The following PHOSPHO1 variants were observed in gnomAD, a reference collection of about 807,000 sequenced individuals.
PHOSPHO1 encodes the protein phosphoethanolamine/phosphocholine phosphatase.
Under a neutral mutation model 17.7 loss-of-function variants are expected in PHOSPHO1, and 6 were observed. That is an observed-to-expected ratio of 0.34 (90% CI 0.19 to 0.67). The LOEUF is 0.67. Among genes scored for constraint, PHOSPHO1 ranks in the 30% least tolerant of loss-of-function variants. PHOSPHO1 has a pLI of 0.69. For missense variants in PHOSPHO1, 330 were observed against 392.1 expected (o/e 0.84, Z 1.34); for synonymous variants, 159 against 174.6 (o/e 0.91, Z 0.71).
At chr17:49,230,334 A>G (rs2043400506) in intron 1 of PHOSPHO1, 134 bp downstream of exon 1, 1 of 151,822 alleles carries the variant, frequency 6.6e-6, no homozygotes, top group Non-Finnish European at 1.5e-5. Flanking sequence ...TGGGTAGGAG[A>G]GAGAAGGGGA....
intron 2 of PHOSPHO1, 60 bp downstream of exon 2, chr17:49,226,587 G>A (rs2143565600): frequency 1.1e-5 from 17 of 1,574,400 alleles, no homozygotes; most frequent in South Asian, 2.2e-5. Context: ...CTATGGAAAG[G>A]TGATGGGAAA....
At position 49,226,695 on chromosome 17, in the gene PHOSPHO1, C is replaced by A. The variant is rs757571399; in HGVS notation, c.-4G>T. 35 of 1,614,076 alleles carry A rather than the reference C, an allele frequency of 2.2e-5. No individual in the cohort carries two copies. The Admixed American group carries it at 5.7e-4, about 26-fold the overall frequency. On this transcript the variant is annotated 5_prime_UTR_variant, in exon 2 of 3. Coordinates refer to ENST00000310544, the MANE Select transcript of PHOSPHO1 (RefSeq NM_178500.4). ...AAACTGGAAAACAGCCACTCATTGT[C>A]GGTGCATTACCGTGAGCACCACCTG...
At chr17:49,227,920 A>G (rs1310086059) in intron 1 of PHOSPHO1, among the ~76,000 whole-genome samples, 6 of 152,120 alleles carry the variant, frequency 3.9e-5, no homozygotes, top group African/African-American at 1.4e-4. Context: ...GGGAGAGAAG[A>G]CAGGTCAAGG....
chr17:49,224,458 G>C lies in PHOSPHO1; in HGVS notation c.592C>G (p.Leu198Val). The part of the protein sequence containing the change: ...RAHDGVHFER[L>V]FYVGDGANDF... ...TTGGCGCCGTCGCCCACGTAGAAGAGGCGCTCGAAGTGCACGCCGTCGTGG... is the reference window on the plus strand; with the variant it reads ...TTGGCGCCGTCGCCCACGTAGAAGACGCGCTCGAAGTGCACGCCGTCGTGG... The change falls in exon 3 of 3, where the codon CTC (leucine) becomes GTC (valine). Residue 198 changes from leucine to valine, a missense_variant. Coordinates refer to ENST00000310544, the MANE Select transcript of PHOSPHO1 (RefSeq NM_178500.4). 1 of 1,560,360 alleles carries C rather than the reference G, an allele frequency of 6.4e-7. No individual in the cohort carries two copies. The highest frequency in any genetic ancestry group is 8.7e-7 in the Non-Finnish European group (1 of 1,154,514).
chr17:49,228,615 C>T (rs932880507), intron 1 of PHOSPHO1, among the ~76,000 whole-genome samples: 2 of 151,914 alleles, frequency 1.3e-5, no homozygotes, highest in South Asian at 2.1e-4. Context: ...ATGGTGAAAC[C>T]CTGTCTCTAC....
At chr17:49,229,046 T>C (rs1462496137) in intron 1 of PHOSPHO1, 2 of 152,254 alleles carry the variant, frequency 1.3e-5, no homozygotes, top group East Asian at 3.9e-4. Flanking sequence ...CTAATAATAG[T>C]ATCTAGGGGA....
intron 1 of PHOSPHO1, among the ~76,000 whole-genome samples, chr17:49,227,010 A>G (rs2043364326): frequency 6.6e-6 from 1 of 152,190 alleles, no homozygotes; most frequent in Admixed American, 6.5e-5. Context: ...TCAAACCCAC[A>G]TCTGAGCCTG....
chr17:49,229,657 A>G (rs2043393691), intron 1 of PHOSPHO1, among the ~76,000 whole-genome samples: 1 of 152,142 alleles, frequency 6.6e-6, no homozygotes, highest in African/African-American at 2.4e-5. Flanking sequence ...GACTCCAGAA[A>G]GACCACAGTA....
chr17:49,225,121 A>T, intron 2 of PHOSPHO1, 117 bp from the exon 3 acceptor site: 2 of 1,441,008 alleles, frequency 1.4e-6, no homozygotes, highest in Non-Finnish European at 1.8e-6. Context: ...AGGCGCTGGC[A>T]CATCCAACAC....
chr17:49,224,289 G>C lies in PHOSPHO1; in HGVS notation c.761C>G (p.Ala254Gly). 7.5e-6 allele frequency: 12 copies of C among 1,597,462 alleles called. No individual in the cohort carries two copies. Among genetic ancestry groups the C allele is most frequent in the Non-Finnish European group, 1.0e-5 (12 of 1,176,408 alleles). ...RASVVPWETA[A>G]DVRLHLQQVL... The stretch of plus-strand genomic sequence containing the variant: ...CTGTTGCAGGTGGAGGCGCACATCT[G>C]CAGCCGTTTCCCAGGGCACCACGCT... The change falls in exon 3 of 3, where the codon GCA becomes GGA. Residue 254 changes from alanine to glycine, a missense_variant. Coordinates refer to ENST00000310544, the MANE Select transcript of PHOSPHO1 (RefSeq NM_178500.4).
chr17:49,226,788 GC>G, intron 1 of PHOSPHO1, 30 bp from the exon 2 acceptor site: 2 of 1,428,618 alleles, frequency 1.4e-6, no homozygotes, highest in Non-Finnish European at 9.8e-7. Flanking sequence ...ATTTGAGGGT[GC>G]CCAGTCAGCT....
Position 49,228,987 on chromosome 17 carries a change from CACACAA to C in PHOSPHO1, c.-68+1475_-68+1480del, listed in dbSNP as rs750281100. On this transcript the variant is annotated intron_variant, in intron 1 of 2. Coordinates refer to ENST00000310544, the MANE Select transcript of PHOSPHO1 (RefSeq NM_178500.4). ...CAACACACACACACACACACACACA[CACACAA>C]AACTCCTCATTTCTCATCATAAAAT... 2.3e-3 allele frequency: 159 copies of C among 69,748 alleles called. 1 individual carries two copies. The highest frequency in any genetic ancestry group is 3.2e-3 in the Admixed American group (19 of 5,954). The allele number at this position is 69,748 out of a possible 1,614,324, so 4.3% of individuals were successfully genotyped here. A position where few individuals can be genotyped will look rare whatever the true frequency, so the allele number is the denominator to read the frequency against.
intron 1 of PHOSPHO1, among the ~76,000 whole-genome samples, chr17:49,229,940 C>G (rs1325313009): frequency 1.3e-5 from 2 of 152,176 alleles, no homozygotes; most frequent in African/African-American, 4.8e-5. Flanking sequence ...CCCCCTTGGC[C>G]CTGGAGACTC....
chr17:49,226,533 G>T, intron 2 of PHOSPHO1, 114 bp downstream of exon 2: 3 of 1,067,678 alleles, frequency 2.8e-6, no homozygotes, highest in Non-Finnish European at 4.3e-6. Context: ...CAGTAGAGGT[G>T]AGGGTAAACC....
chr17:49,224,409 A>G lies in PHOSPHO1; in HGVS notation c.641T>C (p.Leu214Pro). The change falls in exon 3 of 3, where the codon CTG (leucine) becomes CCG (proline). Residue 214 changes from leucine (L) to proline (P), a missense_variant. By Grantham distance (98) the Leu-to-Pro change is moderately conservative. Coordinates refer to ENST00000310544, the MANE Select transcript of PHOSPHO1 (RefSeq NM_178500.4). ...CGGGAAGGCCACGTCGCCGCCCGCC[A>G]GCAGCCCCATGGGGCAGAAGTCGTT... The part of the protein sequence containing the change: ...GANDFCPMGL[L>P]AGGDVAFPRR... The G allele has an allele frequency of 6.4e-7, 1 of 1,552,882 alleles. No homozygotes were observed. The highest frequency in any genetic ancestry group is 8.7e-7 in the Non-Finnish European group (1 of 1,151,434).
At chr17:49,229,770 A>G (rs1311269611) in intron 1 of PHOSPHO1, among the ~76,000 whole-genome samples, 3 of 152,222 alleles carry the variant, frequency 2.0e-5, no homozygotes, top group African/African-American at 7.2e-5. Context: ...CAGTGCTCCC[A>G]AACATGACCA....
chr17:49,225,608 C>T (rs575056945), intron 2 of PHOSPHO1: 18 of 1,292,138 alleles, frequency 1.4e-5, no homozygotes, highest in African/African-American at 7.6e-5. Context: ...ACAGCTTCTT[C>T]GGGGAGTTTT....
intron 2 of PHOSPHO1, among the ~76,000 whole-genome samples, chr17:49,226,278 T>C (rs980373091): frequency 1.3e-5 from 2 of 151,904 alleles, no homozygotes; most frequent in African/African-American, 2.4e-5. Flanking sequence ...CTCATATTCC[T>C]GGTGTGCTTA....
In PHOSPHO1 at chr17:49,230,569, G is replaced by T. The variant is rs1047518452; in HGVS notation, c.-169C>A. On this transcript the variant is annotated 5_prime_UTR_variant, in exon 1 of 3. Coordinates refer to ENST00000310544, the MANE Select transcript of PHOSPHO1 (RefSeq NM_178500.4). ...ATTGGGGCGCAGGATGGAGCAAGGG[G>T]TGCTTACGGGAATTGGAGGGGACGC... 6.6e-6 allele frequency: 1 copy of T among 152,476 alleles called. No homozygotes were observed. The highest frequency in any genetic ancestry group is 1.9e-4 in the East Asian group (1 of 5,184). The allele number at this position is 152,476 out of a possible 1,614,324, so 9.4% of individuals were successfully genotyped here. A position where few individuals can be genotyped will look rare whatever the true frequency, so the allele number is the denominator to read the frequency against.
Sources: allele counts gnomAD v4.1 joint callset (sites outside exome capture counted in the v4.1 genomes callset), GRCh38; gene constraint gnomAD v4.1.1; transcripts MANE v1.5; gene names NCBI Gene and HGNC (gene_info 2026-07-23, HGNC 2026-07-21).